Variants in PRRG1 observed in about 807,000 individuals in gnomAD.
The protein encoded by PRRG1 is proline rich and Gla domain 1, also known as transmembrane gamma-carboxyglutamic acid protein 1.
A neutral mutation model predicts 11.8 loss-of-function variants in PRRG1; 5 were observed. The observed-to-expected ratio is 0.42, with a 90% CI of 0.22 to 0.89. The LOEUF (loss-of-function observed/expected upper bound fraction) is 0.89, where lower values mean the gene tolerates loss of function less well. Among genes scored for constraint, PRRG1 ranks in the 40% least tolerant of loss-of-function variants. The pLI, the probability that PRRG1 is intolerant of heterozygous loss-of-function variation, is 0.28. For synonymous variants in PRRG1, 66 were observed against 60.4 expected (o/e 1.09, Z -0.43); for missense variants, 155 against 166.1 (o/e 0.93, Z 0.37).
At chrX:37,398,580 T>G (rs1232607098) in intron 1 of PRRG1, among the ~76,000 whole-genome samples, 8 of 112,164 alleles carry the variant, frequency 7.1e-5, no homozygotes, top group African/African-American at 2.6e-4. Context: ...GCGCCTTTCC[T>G]CCTCCAAAGG....
chrX:37,397,480 G>C (rs1366319625), intron 1 of PRRG1, among the ~76,000 whole-genome samples: 1 of 112,344 alleles, frequency 8.9e-6, no homozygotes, highest in African/African-American at 3.2e-5. Context: ...CTAGATACAG[G>C]TGTTGAAGAC....
intron 2 of PRRG1, among the ~76,000 whole-genome samples, chrX:37,417,493 T>C (rs968235904): frequency 1.8e-5 from 2 of 111,941 alleles, no homozygotes; most frequent in African/African-American, 6.5e-5. Flanking sequence ...AAGTTAACTT[T>C]TAATTTTCAG....
intron 1 of PRRG1, among the ~76,000 whole-genome samples, chrX:37,396,226 A>G (rs1556378090): frequency 8.9e-6 from 1 of 112,572 alleles, no homozygotes; most frequent in Non-Finnish European, 1.9e-5. Flanking sequence ...TACAATTTTA[A>G]AAGCTGTGGT....
chrX:37,435,636 C>A (rs1932877068), intron 3 of PRRG1, among the ~76,000 whole-genome samples: 2 of 110,376 alleles, frequency 1.8e-5, no homozygotes, highest in Admixed American at 1.9e-4. Context: ...ACTCATAACC[C>A]CAGTCTAACC....
In PRRG1 at chrX:37,453,454, T is replaced by C. The variant is rs1556397300; in HGVS notation, c.490T>C (p.Ser164Pro). 8.3e-7 allele frequency: 1 copy of C among 1,210,004 alleles called. No individual in the cohort carries two copies. Among genetic ancestry groups the C allele is most frequent in the Admixed American group, 2.2e-5 (1 of 45,768 alleles). Residue 164 changes from serine (S) to proline (P), a missense_variant, in exon 4 of 4, where the codon TCC becomes CCC. Transcript: ENST00000378628. Reference sequence around the variant, plus strand: ...CTCAGATTCCGTCTCTACTCGCCTGTCCAATTGTGATCCCCCGCCAACCTA... The same window carrying C: ...CTCAGATTCCGTCTCTACTCGCCTGCCCAATTGTGATCCCCCGCCAACCTA... ...GRSDSVSTRLSNCDPPPTYEE... is the reference protein window; with the variant it reads ...GRSDSVSTRLPNCDPPPTYEE...
chrX:37,412,154 C>T (rs1305657254), intron 2 of PRRG1, among the ~76,000 whole-genome samples: 1 of 111,444 alleles, frequency 9.0e-6, no homozygotes, highest in Non-Finnish European at 1.9e-5. Flanking sequence ...GTAGTGTTGC[C>T]AGTTAGTCTT....
Position 37,397,960 on chromosome X carries a change from A to G in PRRG1, c.-41-8249A>G, listed in dbSNP as rs146990330. Reference sequence around the variant, plus strand: ...TCAAGATAAATAAATACTGCTGCTTACAGAAGTATAAAAACTAACACACAC... The same window carrying G: ...TCAAGATAAATAAATACTGCTGCTTGCAGAAGTATAAAAACTAACACACAC... On this transcript the variant is annotated intron_variant, in intron 1 of 3. Coordinates refer to ENST00000378628, the MANE Select transcript of PRRG1 (RefSeq NM_001142395.2). Among the ~76,000 whole-genome samples, 964 of 97,400 alleles carry G rather than the reference A, an allele frequency of 9.9e-3. 5 individuals carry two copies. Among genetic ancestry groups the G allele is most frequent in the Middle Eastern group, 0.021 (4 of 191 alleles). 84.6% of individuals were successfully genotyped at this position (97,400 alleles called of 115,157 possible).
intron 1 of PRRG1, among the ~76,000 whole-genome samples, chrX:37,365,656 G>T (rs1556369179): frequency 8.9e-6 from 1 of 112,233 alleles, no homozygotes; most frequent in African/African-American, 3.2e-5. Flanking sequence ...ATTTCAGAGA[G>T]CACTGACTTG....
chrX:37,405,169 A>G (rs1932149498), intron 1 of PRRG1, among the ~76,000 whole-genome samples: 1 of 111,964 alleles, frequency 8.9e-6, no homozygotes, highest in Admixed American at 9.5e-5. Context: ...TTTCTGCCCT[A>G]TTACCAGATC....
rs1569451397 is a variant in PRRG1, at chrX:37,456,395, G to A, written c.*2774G>A. ...GCTGCTTTTTAGAGACACCTAAATT[G>A]CAGTATCAGAATGAATGTTGATGTT... On this transcript the variant is annotated 3_prime_UTR_variant, in exon 4 of 4. Coordinates refer to ENST00000378628, the MANE Select transcript of PRRG1 (RefSeq NM_001142395.2). 1 of 112,403 alleles carries A rather than the reference G, an allele frequency of 8.9e-6. No individual in the cohort carries two copies. The highest frequency in any genetic ancestry group is 3.2e-5 in the African/African-American group (1 of 30,937). The allele number at this position is 112,403 out of a possible 1,213,427, so 9.3% of individuals were successfully genotyped here.
intron 2 of PRRG1, among the ~76,000 whole-genome samples, chrX:37,417,219 TA>T (rs1293746954): frequency 2.7e-5 from 3 of 110,957 alleles, no homozygotes; most frequent in African/African-American, 9.8e-5. Context: ...GTATGGTCCT[TA>T]GGGGGCAGAT....
At chrX:37,430,720 T>C (rs782083789) in intron 3 of PRRG1, among the ~76,000 whole-genome samples, 4 of 111,700 alleles carry the variant, frequency 3.6e-5, no homozygotes, top group African/African-American at 9.8e-5. Context: ...TTTCCCCCAA[T>C]GGTTACATCT....
At chrX:37,400,391 A>T (rs1931926071) in intron 1 of PRRG1, among the ~76,000 whole-genome samples, 2 of 111,836 alleles carry the variant, frequency 1.8e-5, no homozygotes, top group South Asian at 7.6e-4. Flanking sequence ...TACTGGGTAC[A>T]TAACGAAATG....
At chrX:37,429,140 T>A (rs1394234954) in intron 3 of PRRG1, among the ~76,000 whole-genome samples, 1 of 111,953 alleles carries the variant, frequency 8.9e-6, no homozygotes, top group Non-Finnish European at 1.9e-5. Context: ...TAGGGGTGGG[T>A]AGGGGCTGCC....
At chrX:37,406,046 A>T (rs1932180437) in intron 1 of PRRG1, among the ~76,000 whole-genome samples, 163 bp from the exon 2 acceptor site, 1 of 111,791 alleles carries the variant, frequency 8.9e-6, no homozygotes, top group South Asian at 3.7e-4. Context: ...CTGAGGTTAG[A>T]TTTTCTCTTT....
At chrX:37,417,381 T>C (rs909804530) in intron 2 of PRRG1, among the ~76,000 whole-genome samples, 2 of 111,564 alleles carry the variant, frequency 1.8e-5, no homozygotes, top group Admixed American at 9.6e-5. Context: ...TGTAAACATA[T>C]ACTATATGCT....
At chrX:37,357,471 C>G (rs1474677810) in intron 1 of PRRG1, among the ~76,000 whole-genome samples, 2 of 112,228 alleles carry the variant, frequency 1.8e-5, no homozygotes, top group African/African-American at 6.5e-5. Flanking sequence ...CATGGTTTCA[C>G]TTTCCACATT....
chrX:37,442,242 T>C, intron 3 of PRRG1: 1 of 750,196 alleles, frequency 1.3e-6, no homozygotes, highest in Non-Finnish European at 1.6e-6. Flanking sequence ...GTCCAGTTGA[T>C]GCGTGCCTAC....
chrX:37,446,835 G>T (rs1556395355), intron 3 of PRRG1, among the ~76,000 whole-genome samples: 2 of 110,793 alleles, frequency 1.8e-5, no homozygotes, highest in Non-Finnish European at 3.8e-5. Flanking sequence ...ACCTGAGGAG[G>T]AACCTCCCTT....
Sources: gnomAD v4.1 joint callset for allele counts (sites outside exome capture counted in the v4.1 genomes callset) on GRCh38, gnomAD v4.1.1 for gene constraint, MANE v1.5 for transcripts, NCBI Gene and HGNC (gene_info 2026-07-23, HGNC 2026-07-21) for gene names.